BRWD1: variants seen among roughly 807,000 people sequenced by gnomAD.
The protein encoded by BRWD1 is bromodomain and WD repeat-containing protein 1.
BRWD1 carries 82 observed loss-of-function variants against 251.2 expected under a neutral mutation model. The observed-to-expected ratio is 0.33, with a 90% CI of 0.27 to 0.39. The LOEUF is 0.39. Among genes scored for constraint, BRWD1 ranks in the 10% least tolerant of loss-of-function variants. The pLI is 1.00. For synonymous variants in BRWD1, 918 were observed against 902.8 expected (o/e 1.02, Z -0.30); for missense variants, 2,233 against 2,711.6 (o/e 0.82, Z 3.92).
intron 25 of BRWD1, 34 bp downstream of exon 25, chr21:39,232,143 A>G (rs778344885): frequency 3.1e-5 from 46 of 1,473,214 alleles, no homozygotes; most frequent in Non-Finnish European, 3.8e-5. Flanking sequence ...TATGTGCTAA[A>G]ATGTTTAATG....
intron 32 of BRWD1, among the ~76,000 whole-genome samples, chr21:39,214,663 T>A (rs1411700343): frequency 6.6e-6 from 1 of 152,048 alleles, no homozygotes; most frequent in Non-Finnish European, 1.5e-5. Context: ...TATACCGTAG[T>A]TATATAAAAT....
intron 17 of BRWD1, among the ~76,000 whole-genome samples, chr21:39,259,750 T>C (rs1024732164): frequency 6.6e-6 from 1 of 152,038 alleles, no homozygotes; most frequent in Non-Finnish European, 1.5e-5. Flanking sequence ...GTCTAGAGAA[T>C]TGCCTGAACC....
In BRWD1 at chr21:39,313,081, C is replaced by T; in HGVS notation, c.129G>A (p.Glu43=). The T allele has an allele frequency of 6.7e-7, 1 of 1,489,278 alleles. No individual in the cohort carries two copies. Among genetic ancestry groups the T allele is most frequent in the Non-Finnish European group, 8.9e-7 (1 of 1,122,068 alleles). 92.3% of individuals were successfully genotyped at this position (1,489,278 alleles called of 1,614,324 possible). The part of the protein sequence containing the change: ...RAAQVLVQEL[E]QYQLLPKRLD... Reference sequence around the variant, plus strand: ...ACGGGCGCGCACAGACCTGGTACTGCTCCAGCTCCTGCACCAGCACCTGCG... The same window carrying T: ...ACGGGCGCGCACAGACCTGGTACTGTTCCAGCTCCTGCACCAGCACCTGCG... Residue 43 remains glutamate (E), a synonymous_variant, in exon 3 of 41, where the codon GAG becomes GAA. Transcript: ENST00000342449.
At chr21:39,242,245 G>C (rs143707768) in intron 21 of BRWD1, among the ~76,000 whole-genome samples, 5 of 152,190 alleles carry the variant, frequency 3.3e-5, no homozygotes, top group Admixed American at 6.5e-5. Context: ...CACACAAATG[G>C]TAAGAAAGCA....
intron 8 of BRWD1, among the ~76,000 whole-genome samples, chr21:39,287,358 C>CT (rs2035672838): frequency 6.6e-6 from 1 of 152,154 alleles, no homozygotes; most frequent in South Asian, 2.1e-4. Context: ...GTTTCACAGA[C>CT]TGTTTCTCAA....
At position 39,210,121 on chromosome 21, in the gene BRWD1, T is replaced by C. The variant is rs750066008; in HGVS notation, c.4071A>G (p.Pro1357=). Residue 1357 remains proline, a synonymous_variant, in exon 36 of 41, where the codon CCA becomes CCG. Coordinates refer to ENST00000342449, the MANE Select transcript of BRWD1 (RefSeq NM_033656.4). ...TTTCCCTTACTGTTCCAAAATCCAT[T>C]GGGGTATCTATAATATCTCTGTAGT... ...YPDYRDIIDT[P]MDFGTVRETL... 1 of 1,611,636 alleles carries C rather than the reference T, an allele frequency of 6.2e-7. No individual in the cohort carries two copies. The highest frequency in any genetic ancestry group is 1.7e-5 in the Admixed American group (1 of 59,998).
At position 39,264,577 on chromosome 21, in the gene BRWD1, G is replaced by C. The variant is rs1372873254; in HGVS notation, c.1768C>G (p.Pro590Ala). The change falls in exon 17 of 41, where the codon CCA (proline) becomes GCA (alanine). Residue 590 changes from proline to alanine, a missense_variant. Pro to Ala is a conservative substitution (Grantham distance 27). This residue lies in a region of BRWD1 where 315 missense variants were observed against 421.8 expected (regional missense o/e 0.75). Transcript: ENST00000342449. ...TQQAPHLMPP[P>A]FLVDVDGNPH... is the part of the protein sequence containing the mutation. The stretch of plus-strand genomic sequence containing the variant: ...TTTCCATCTACATCTACCAAGAATG[G>C]TGGAGGCATAAGATGAGGAGCCTGC... The C allele has an allele frequency of 6.2e-7, 1 of 1,613,272 alleles. No homozygotes were observed. The highest frequency in any genetic ancestry group is 1.3e-5 in the African/African-American group (1 of 74,964).
chr21:39,224,116 C>T (rs1313328994), intron 29 of BRWD1, among the ~76,000 whole-genome samples: 1 of 152,192 alleles, frequency 6.6e-6, no homozygotes, highest in Non-Finnish European at 1.5e-5. Flanking sequence ...TCCCAAAGTG[C>T]TGAGATTACA....
intron 23 of BRWD1, chr21:39,235,889 A>C: frequency 5.9e-6 from 1 of 170,200 alleles, no homozygotes; most frequent in South Asian, 1.5e-4. Flanking sequence ...CCACATCCCA[A>C]ACCACTGTGG....
In BRWD1 at chr21:39,264,650, T is replaced by C. The variant is rs1484059752; in HGVS notation, c.1695A>G (p.Arg565=). Residue 565 remains arginine (R), a synonymous_variant, in exon 17 of 41, where the codon CGA becomes CGG. Coordinates refer to ENST00000342449, the MANE Select transcript of BRWD1 (RefSeq NM_033656.4). ...AATTATTAGAATCTCTAATAAGTGG[T>C]CGATAGTCAGTATGGAAGAACATCT... ...PDQMFFHTDY[R]PLIRDSNNYV... is the part of the protein sequence containing the mutation. 6.2e-7 allele frequency: 1 copy of C among 1,611,736 alleles called. No homozygotes were observed. Among genetic ancestry groups the C allele is most frequent in the South Asian group, 1.1e-5 (1 of 90,558 alleles).
chr21:39,276,353 CAT>C, intron 11 of BRWD1, 140 bp from the exon 12 acceptor site: 1 of 531,594 alleles, frequency 1.9e-6, no homozygotes, highest in East Asian at 3.2e-5. Flanking sequence ...TGTCATTCAA[CAT>C]GTTTTATAAT....
At chr21:39,278,686 C>T in intron 10 of BRWD1, 57 bp downstream of exon 10, 1 of 1,322,542 alleles carries the variant, frequency 7.6e-7, no homozygotes, top group Non-Finnish European at 1.0e-6. Context: ...ACCAAGTGGT[C>T]ATTTAATAGA....
intron 4 of BRWD1, among the ~76,000 whole-genome samples, chr21:39,309,333 C>T (rs753466841): frequency 6.0e-5 from 9 of 150,108 alleles, no homozygotes; most frequent in Non-Finnish European, 1.0e-4. Context: ...TGCCTGTGGT[C>T]CCAGCTACTC....
chr21:39,207,002 T>G (rs899841812), intron 36 of BRWD1, among the ~76,000 whole-genome samples: 9 of 152,228 alleles, frequency 5.9e-5, no homozygotes, highest in African/African-American at 2.2e-4. Flanking sequence ...ACCAGAAAAC[T>G]TTTTTAAAAA....
chr21:39,221,944 C>T (rs977711253), intron 29 of BRWD1, among the ~76,000 whole-genome samples: 1 of 151,098 alleles, frequency 6.6e-6, no homozygotes, highest in Non-Finnish European at 1.5e-5. Flanking sequence ...AACATTTCTA[C>T]AAAGATATAA....
intron 4 of BRWD1, among the ~76,000 whole-genome samples, chr21:39,306,487 G>A (rs1053609613): frequency 7.9e-5 from 12 of 152,178 alleles, no homozygotes; most frequent in African/African-American, 2.4e-4. Flanking sequence ...CTACAGAACT[G>A]AGCCTAAGAA....
rs762808386 is a variant in BRWD1 at position 39,232,440 on chromosome 21, T to A, written c.2825A>T (p.His942Leu). 1 of 1,589,356 alleles carries A rather than the reference T, an allele frequency of 6.3e-7. No individual in the cohort carries two copies. Among genetic ancestry groups the A allele is most frequent in the South Asian group, 1.2e-5 (1 of 85,282 alleles). Reference protein sequence around the residue: ...LANMEHLYEFHPPVWITDTTL... With the variant: ...LANMEHLYEFLPPVWITDTTL... ...GGTGTCAGTAATCCAAACTGGAGGG[T>A]GAAATTCATATAAATGCTCCATATT... is the stretch of plus-strand genomic sequence containing the variant. Residue 942 changes from histidine to leucine, a missense_variant, in exon 24 of 41, where the codon CAC becomes CTC. By Grantham distance (99) the His-to-Leu change is moderately conservative (BLOSUM62 -3). This residue lies in a region of BRWD1 where 214 missense variants were observed against 222.0 expected (regional missense o/e 0.96). Transcript: ENST00000342449.
chr21:39,269,869 A>G (rs2035045239), intron 15 of BRWD1, 30 bp downstream of exon 15: 4 of 1,446,198 alleles, frequency 2.8e-6, no homozygotes, highest in Middle Eastern at 1.9e-4. Flanking sequence ...ATTATCAAGC[A>G]TGTATCAAGG....
chr21:39,286,327 C>G (rs1039901639), intron 8 of BRWD1, among the ~76,000 whole-genome samples: 2 of 149,276 alleles, frequency 1.3e-5, no homozygotes, highest in African/African-American at 4.9e-5. Context: ...CCATATGAAC[C>G]ATTTTAAAGT....
Sources: allele counts gnomAD v4.1 joint callset (sites outside exome capture counted in the v4.1 genomes callset), GRCh38; gene constraint gnomAD v4.1.1; regional missense constraint gnomAD v4.1.1; transcripts MANE v1.5; gene names NCBI Gene and HGNC (gene_info 2026-07-23, HGNC 2026-07-21).